Variants in SPINK5 observed in about 807,000 individuals in gnomAD.
SPINK5 encodes the protein serine peptidase inhibitor Kazal type 5, also known as serine protease inhibitor Kazal-type 5.
SPINK5 carries 125 observed loss-of-function variants against 151.8 expected under a neutral mutation model. The ratio of observed to expected loss-of-function variants is 0.82; its 90% CI spans 0.71 to 0.96. The LOEUF is 0.96. Among genes scored for constraint, SPINK5 ranks in the 40% least tolerant of loss-of-function variants. The probability of loss-of-function intolerance (pLI) is 0.00; values close to 1 mark genes in which losing one functional copy is unlikely to be tolerated. For synonymous variants in SPINK5, 374 were observed against 395.3 expected (o/e 0.95, Z 0.64); for missense variants, 1,194 against 1,291.9 (o/e 0.92, Z 1.16).
At chr5:148,101,600 T>A (rs1459332723) in intron 14 of SPINK5, among the ~76,000 whole-genome samples, 164 bp downstream of exon 14, 1 of 152,190 alleles carries the variant, frequency 6.6e-6, no homozygotes, top group Non-Finnish European at 1.5e-5. Context: ...TATGTGACTA[T>A]TTCTTGGTTG....
At chr5:148,135,657 G>T (rs1262800097) in intron 32 of SPINK5, among the ~76,000 whole-genome samples, 2 of 151,748 alleles carry the variant, frequency 1.3e-5, no homozygotes, top group Non-Finnish European at 2.9e-5. Flanking sequence ...GTGATCTCGG[G>T]TACAGTTGGT....
intron 4 of SPINK5, among the ~76,000 whole-genome samples, chr5:148,072,421 A>C (rs1350634101): frequency 1.3e-5 from 2 of 152,018 alleles, no homozygotes; most frequent in African/African-American, 2.4e-5. Flanking sequence ...CCGACTCTAA[A>C]AACATTTTAG....
At chr5:148,123,521 G>GTATATA (rs1159209367) in intron 26 of SPINK5, among the ~76,000 whole-genome samples, 22 of 25,008 alleles carry the variant, frequency 8.8e-4, no homozygotes, top group South Asian at 7.8e-3. Context: ...CAATATATGT[G>GTATATA]TATATATATA....
intron 26 of SPINK5, among the ~76,000 whole-genome samples, chr5:148,123,512 A>ATATATAT (rs1561703850): frequency 0.013 from 1,579 of 120,766 alleles, 66 homozygotes; most frequent in African/African-American, 0.036. Flanking sequence ...GCAGTGGTGC[A>ATATATAT]ATATATGTGT....
At chr5:148,105,595 T>C (rs1265465067) in intron 16 of SPINK5, among the ~76,000 whole-genome samples, 1 of 151,832 alleles carries the variant, frequency 6.6e-6, no homozygotes, top group Non-Finnish European at 1.5e-5. Context: ...AATAGCTACA[T>C]ACAAGATTTA....
At position 148,114,490 on chromosome 5, in the gene SPINK5, G is replaced by T. The variant is rs1754033945; in HGVS notation, c.2015+1G>T. 1 of 1,613,352 alleles carries T rather than the reference G, an allele frequency of 6.2e-7. No homozygotes were observed. The highest frequency in any genetic ancestry group is 2.2e-5 in the East Asian group (1 of 44,850). ...AGTGTGCCATGTGTAAGGCAGTCTT[G>T]TGAGTGCACAAAGAAAACCACTACT... On this transcript the variant is annotated splice_donor_variant, in intron 21 of 32. Coordinates refer to ENST00000256084, the MANE Select transcript of SPINK5 (RefSeq NM_006846.4). LOFTEE classifies it high-confidence loss of function.
intron 26 of SPINK5, among the ~76,000 whole-genome samples, chr5:148,123,550 T>A (rs1474999231): frequency 2.6e-5 from 2 of 75,738 alleles, no homozygotes; most frequent in African/African-American, 8.6e-5. Flanking sequence ...TATATATATA[T>A]AATCTTGCTT....
In SPINK5 at chr5:148,095,772, C is replaced by G. The variant is rs757397422; in HGVS notation, c.795-46C>G. The G allele has an allele frequency of 8.7e-6, 13 of 1,495,012 alleles. No individual in the cohort carries two copies. In the African/African-American group the frequency reaches 1.4e-4, roughly 16 times the overall value. 92.6% of individuals were successfully genotyped at this position (1,495,012 alleles called of 1,614,324 possible). A position where few individuals can be genotyped will look rare whatever the true frequency, so the allele number is the denominator to read the frequency against. On this transcript the variant is annotated intron_variant, in intron 9 of 32. Transcript: ENST00000256084. ...TCTATACCTAATGACTGTTTTGTAA[C>G]ATGAAGATCGGAAGCATCTCTACTC...
intron 4 of SPINK5, among the ~76,000 whole-genome samples, chr5:148,084,541 T>C (rs1753103592): frequency 6.6e-6 from 1 of 151,928 alleles, no homozygotes; most frequent in Admixed American, 6.6e-5. Flanking sequence ...TTCCCCTCTC[T>C]ACACCTGTGA....
intron 31 of SPINK5, among the ~76,000 whole-genome samples, chr5:148,132,881 A>G (rs1393073007): frequency 6.6e-6 from 1 of 152,184 alleles, no homozygotes; most frequent in Non-Finnish European, 1.5e-5. Flanking sequence ...TTTAAGAATT[A>G]AGAAATTCCC....
intron 2 of SPINK5, among the ~76,000 whole-genome samples, 179 bp from the exon 3 acceptor site, chr5:148,070,144 T>G (rs1752698783): frequency 6.6e-6 from 1 of 152,136 alleles, no homozygotes; most frequent in Non-Finnish European, 1.5e-5. Context: ...AATTTATTAA[T>G]TGAATATCTA....
intron 6 of SPINK5, 53 bp downstream of exon 6, chr5:148,088,658 G>A (rs945860906): frequency 2.6e-5 from 41 of 1,554,052 alleles, no homozygotes; most frequent in Non-Finnish European, 4.4e-6. Context: ...ACTTCAAATA[G>A]TAAGTAGGTG....
intron 4 of SPINK5, among the ~76,000 whole-genome samples, chr5:148,072,855 GTGTT>G: frequency 8.5e-6 from 1 of 117,906 alleles, no homozygotes; most frequent in Non-Finnish European, 1.7e-5. Flanking sequence ...TTTAAGAAAA[GTGTT>G]CTCTGGTAAA....
chr5:148,117,473 T>C (rs1161649860), intron 22 of SPINK5, among the ~76,000 whole-genome samples: 3 of 152,192 alleles, frequency 2.0e-5, no homozygotes, highest in Non-Finnish European at 4.4e-5. Context: ...GTGGGTCATA[T>C]GATGTCTGCT....
chr5:148,099,180 A>G (rs1335637877), intron 11 of SPINK5, 54 bp from the exon 12 acceptor site: 1 of 1,511,798 alleles, frequency 6.6e-7, no homozygotes, highest in Non-Finnish European at 9.1e-7. Flanking sequence ...ATGTGGAGAA[A>G]TCATGGCATG....
chr5:148,108,573 T>G (rs1753838874), intron 17 of SPINK5, among the ~76,000 whole-genome samples, 180 bp from the exon 18 acceptor site: 1 of 152,172 alleles, frequency 6.6e-6, no homozygotes, highest in Non-Finnish European at 1.5e-5. Flanking sequence ...AGAGGGGGAA[T>G]GTAAACAGCT....
rs778104297 is a variant in SPINK5, at chr5:148,125,881, C to T, written c.2867+31C>T. The stretch of plus-strand genomic sequence containing the variant: ...TAAGAGGATTCTGCTCCCCCTGTAG[C>T]TAGCAGGGGAACTGCATTTTTAGAA... On this transcript the variant is annotated intron_variant, in intron 29 of 32. Coordinates refer to ENST00000256084, the MANE Select transcript of SPINK5 (RefSeq NM_006846.4). The T allele has an allele frequency of 4.3e-6, 7 of 1,613,936 alleles. No homozygotes were observed. In the East Asian group the frequency reaches 1.1e-4, roughly 26 times the overall value.
At chr5:148,069,291 TACC>T (rs1752672654) in intron 2 of SPINK5, among the ~76,000 whole-genome samples, 1 of 151,852 alleles carries the variant, frequency 6.6e-6, no homozygotes, top group Non-Finnish European at 1.5e-5. Flanking sequence ...ATCAAAGAAT[TACC>T]ACTTTTGAAG....
intron 4 of SPINK5, among the ~76,000 whole-genome samples, chr5:148,084,974 T>C (rs768308585): frequency 1.2e-4 from 18 of 151,666 alleles, no homozygotes; most frequent in Non-Finnish European, 2.4e-4. Context: ...TTCCATTTTT[T>C]TCTCTCTCTC....
Sources: allele counts gnomAD v4.1 joint callset (sites outside exome capture counted in the v4.1 genomes callset), GRCh38; gene constraint gnomAD v4.1.1; transcripts MANE v1.5; gene names NCBI Gene and HGNC (gene_info 2026-07-23, HGNC 2026-07-21).